Variants in LIMD1 observed in about 807,000 individuals in gnomAD.
LIMD1 encodes the protein LIM domain-containing protein 1.
A neutral mutation model predicts 58.4 loss-of-function variants in LIMD1; 23 were observed. The observed-to-expected ratio is 0.39, with a 90% CI of 0.28 to 0.56. LIMD1 has a LOEUF of 0.56. Ranked by LOEUF, LIMD1 falls within the 20% of genes least tolerant of loss-of-function variation. LIMD1 has a pLI of 0.57. For missense variants in LIMD1, 838 were observed against 855.5 expected, an observed-to-expected ratio of 0.98 and a Z score of 0.25; for synonymous variants, 334 against 345.5, an observed-to-expected ratio of 0.97 and a Z score of 0.37.
In LIMD1 at chr3:45,676,944, A is replaced by T. The variant is rs1559527579; in HGVS notation, c.1916A>T (p.Asp639Val). The change falls in exon 8 of 8, where the codon GAT becomes GTT. Residue 639 changes from aspartate to valine, a missense_variant. Asp to Val is a radical substitution (Grantham distance 152). This residue lies in a region of LIMD1 where 174 missense variants were observed against 197.4 expected (regional missense o/e 0.88). Transcript: ENST00000273317. ...CAGGACTGTGGTCTGGAGCTCAATG[A>T]TGAAGATGGCCACCGCTGTTATCCG... is the stretch of plus-strand genomic sequence containing the variant. ...HCEDCGLELN[D>V]EDGHRCYPLE... 1.2e-6 allele frequency: 2 copies of T among 1,614,110 alleles called. No individual in the cohort carries two copies. The highest frequency in any genetic ancestry group is 1.7e-6 in the Non-Finnish European group (2 of 1,179,994).
At chr3:45,634,679 C>T (rs953375171) in intron 1 of LIMD1, among the ~76,000 whole-genome samples, 3 of 152,244 alleles carry the variant, frequency 2.0e-5, no homozygotes, top group African/African-American at 4.8e-5. Flanking sequence ...TTAGTCTGCG[C>T]TTGTCACATA....
chr3:45,632,570 A>C (rs1261238376), intron 1 of LIMD1: 1 of 984,116 alleles, frequency 1.0e-6, no homozygotes, highest in East Asian at 1.1e-4. Context: ...AGGAAGAAAG[A>C]GGAAAGGACT....
intron 1 of LIMD1, among the ~76,000 whole-genome samples, chr3:45,602,669 C>G (rs1158542048): frequency 6.6e-6 from 1 of 152,040 alleles, no homozygotes; most frequent in Non-Finnish European, 1.5e-5. Context: ...TGGCAATGCA[C>G]AGGGTTAAAC....
At chr3:45,629,161 C>T (rs1358130885) in intron 1 of LIMD1, among the ~76,000 whole-genome samples, 1 of 151,986 alleles carries the variant, frequency 6.6e-6, no homozygotes, top group Non-Finnish European at 1.5e-5. Context: ...CGCCTGTATT[C>T]CCAGCACTTT....
Position 45,678,821 on chromosome 3 carries a change from C to T in LIMD1, c.*1762C>T, listed in dbSNP as rs775185059. 1.6e-4 allele frequency: 24 copies of T among 152,192 alleles called. No individual in the cohort carries two copies. Among genetic ancestry groups the T allele is most frequent in the Non-Finnish European group, 2.8e-4 (19 of 68,042 alleles). 9.4% of individuals were successfully genotyped at this position (152,192 alleles called of 1,614,324 possible). A position where few individuals can be genotyped will look rare whatever the true frequency, so the allele number is the denominator to read the frequency against. On this transcript the variant is annotated 3_prime_UTR_variant, in exon 8 of 8. Transcript: ENST00000273317. ...GCCTGTAAGCAGCACAGAATTGGTG[C>T]CATGGATTATCTTTTCCATGTTGAT... is the stretch of plus-strand genomic sequence containing the variant.
At chr3:45,630,467 G>A (rs1454034929) in intron 1 of LIMD1, among the ~76,000 whole-genome samples, 3 of 152,218 alleles carry the variant, frequency 2.0e-5, no homozygotes, top group Non-Finnish European at 4.4e-5. Flanking sequence ...TTCCTGAAGG[G>A]CAATCAGAAG....
chr3:45,643,007 C>T (rs566156742), intron 2 of LIMD1, among the ~76,000 whole-genome samples: 1 of 152,300 alleles, frequency 6.6e-6, no homozygotes, highest in South Asian at 2.1e-4. Context: ...GTTGGCACAC[C>T]CTGGAGTGGG....
chr3:45,598,165 G>A (rs993930684), intron 1 of LIMD1, among the ~76,000 whole-genome samples: 7 of 152,016 alleles, frequency 4.6e-5, no homozygotes, highest in Admixed American at 1.3e-4. Flanking sequence ...TCTCTAGGTT[G>A]CCCAGGCTGT....
chr3:45,672,897 A>T (rs1697610896), intron 5 of LIMD1, 77 bp downstream of exon 5: 10 of 1,562,110 alleles, frequency 6.4e-6, no homozygotes, highest in Admixed American at 5.1e-5. Context: ...GTGGAAACCG[A>T]CAAAACTGTG....
intron 1 of LIMD1, among the ~76,000 whole-genome samples, chr3:45,610,709 A>G (rs1387337565): frequency 6.6e-6 from 1 of 152,176 alleles, no homozygotes; most frequent in Non-Finnish European, 1.5e-5. Context: ...CCCCATCAGT[A>G]AAATGTGCAT....
intron 2 of LIMD1, among the ~76,000 whole-genome samples, chr3:45,657,737 CCTTA>C (rs1315520281): frequency 2.0e-5 from 3 of 152,242 alleles, no homozygotes; most frequent in Non-Finnish European, 4.4e-5. Context: ...GCCTCAATTT[CCTTA>C]CTTATGAAAT....
At chr3:45,667,012 C>T (rs781030474) in intron 3 of LIMD1, among the ~76,000 whole-genome samples, 1 of 152,196 alleles carries the variant, frequency 6.6e-6, no homozygotes, top group Non-Finnish European at 1.5e-5. Flanking sequence ...GAAATTATTC[C>T]AGCAGTGCCT....
Position 45,618,196 on chromosome 3 carries a change from G to A in LIMD1, c.1409-17954G>A, listed in dbSNP as rs569357323. Reference sequence around the variant, plus strand: ...GGGAGGCAGGAGGGCAGTTGAAAGCGTGCTGAGTGGGGAGATGGGAGCAGG... The same window carrying A: ...GGGAGGCAGGAGGGCAGTTGAAAGCATGCTGAGTGGGGAGATGGGAGCAGG... On this transcript the variant is annotated intron_variant, in intron 1 of 7. Coordinates refer to ENST00000273317, the MANE Select transcript of LIMD1 (RefSeq NM_014240.3). 5.3e-5 allele frequency among the ~76,000 whole-genome samples: 8 copies of A among 152,306 alleles called. 1 individual carries two copies. Among genetic ancestry groups the A allele is most frequent in the Admixed American group, 3.9e-4 (6 of 15,300 alleles).
intron 1 of LIMD1, among the ~76,000 whole-genome samples, chr3:45,621,661 T>C (rs1054330462): frequency 2.0e-5 from 3 of 152,236 alleles, no homozygotes; most frequent in African/African-American, 4.8e-5. Flanking sequence ...TTTTCTATTT[T>C]TCGTATTTAA....
intron 2 of LIMD1, among the ~76,000 whole-genome samples, chr3:45,644,657 G>A (rs1701882689): frequency 1.3e-5 from 2 of 152,212 alleles, no homozygotes; most frequent in South Asian, 4.1e-4. Context: ...AAGTGGTGTG[G>A]TCAGCACTTG....
At chr3:45,661,945 AT>A (rs1697447234) in intron 2 of LIMD1, among the ~76,000 whole-genome samples, 1 of 152,086 alleles carries the variant, frequency 6.6e-6, no homozygotes, top group South Asian at 2.1e-4. Flanking sequence ...ATTTGTAGAG[AT>A]GGGATCTTGC....
At chr3:45,627,271 ACC>A (rs1398279989) in intron 1 of LIMD1, among the ~76,000 whole-genome samples, 2 of 152,016 alleles carry the variant, frequency 1.3e-5, no homozygotes, top group East Asian at 3.9e-4. Context: ...GATAAGTAGA[ACC>A]CCTGGACCTT....
At chr3:45,657,169 T>A (rs1697344318) in intron 2 of LIMD1, among the ~76,000 whole-genome samples, 1 of 152,172 alleles carries the variant, frequency 6.6e-6, no homozygotes, top group Non-Finnish European at 1.5e-5. Flanking sequence ...TGCTGTTTCC[T>A]ACCTGGCCTC....
chr3:45,675,549 G>A (rs1697656391), intron 7 of LIMD1, among the ~76,000 whole-genome samples: 2 of 151,742 alleles, frequency 1.3e-5, no homozygotes, highest in African/African-American at 4.8e-5. Context: ...AGAACTATGA[G>A]AGCCACAAAT....
Sources: gnomAD v4.1 joint callset for allele counts (sites outside exome capture counted in the v4.1 genomes callset) on GRCh38, gnomAD v4.1.1 for gene constraint, gnomAD v4.1.1 regional missense constraint, MANE v1.5 for transcripts, NCBI Gene and HGNC (gene_info 2026-07-23, HGNC 2026-07-21) for gene names.